Variants in PRKCE observed in about 807,000 individuals in gnomAD.
PRKCE encodes protein kinase C epsilon type.
A neutral mutation model predicts 85.4 loss-of-function variants in PRKCE; 16 were observed. The ratio of observed to expected loss-of-function variants is 0.19; its 90% CI spans 0.13 to 0.28. The LOEUF (loss-of-function observed/expected upper bound fraction) is 0.28. Among genes scored for constraint, PRKCE ranks in the 10% least tolerant of loss-of-function variants. The pLI is 1.00. For synonymous variants in PRKCE, 388 were observed against 371.5 expected, an observed-to-expected ratio of 1.04 and a Z score of -0.51; for missense variants, 573 against 975.2, an observed-to-expected ratio of 0.59 and a Z score of 5.49.
At chr2:45,944,031 G>A (rs1221982805) in intron 2 of PRKCE, among the ~76,000 whole-genome samples, 1 of 152,220 alleles carries the variant, frequency 6.6e-6, no homozygotes, top group East Asian at 1.9e-4. Context: ...GGCGATGGCT[G>A]AGTCAGATGT....
chr2:46,151,919 G>T (rs1239292097), intron 13 of PRKCE, among the ~76,000 whole-genome samples: 1 of 152,184 alleles, frequency 6.6e-6, no homozygotes, highest in African/African-American at 2.4e-5. Context: ...TTTGAAATCC[G>T]TGAAAGCTGA....
chr2:45,917,612 G>C (rs1003281358), intron 2 of PRKCE, among the ~76,000 whole-genome samples: 20 of 152,252 alleles, frequency 1.3e-4, no homozygotes, highest in Middle Eastern at 3.2e-3. Flanking sequence ...GCTTCACCCA[G>C]TGGATCCCGC....
chr2:46,129,363 G>A (rs1280500865), intron 11 of PRKCE, among the ~76,000 whole-genome samples: 1 of 152,058 alleles, frequency 6.6e-6, no homozygotes, highest in African/African-American at 2.4e-5. Context: ...AAGAAACAAG[G>A]GCATGGACCA....
chr2:45,738,661 T>G (rs1472736571), intron 1 of PRKCE, among the ~76,000 whole-genome samples: 2 of 152,240 alleles, frequency 1.3e-5, no homozygotes, highest in Non-Finnish European at 2.9e-5. Context: ...TTGGGAAGGA[T>G]CAGTGTGAGT....
In PRKCE at chr2:45,718,339, CTTTT is replaced by C. The variant is rs10708579; in HGVS notation, c.348+65912_348+65915del. 3.9e-3 allele frequency among the ~76,000 whole-genome samples: 326 copies of C among 83,348 alleles called. 1 individual carries two copies. Among genetic ancestry groups the C allele is most frequent in the African/African-American group, 8.3e-3 (157 of 18,910 alleles). The allele number at this position is 83,348 out of a possible 152,430, so 54.7% of individuals were successfully genotyped here. A position where few individuals can be genotyped will look rare whatever the true frequency, so the allele number is the denominator to read the frequency against. On this transcript the variant is annotated intron_variant, in intron 1 of 14. Transcript: ENST00000306156. ...AGAGCTAATAATTACCAAATGCTTA[CTTTT>C]TTTTTTTTTTTTTTTTTTTTGAGAC... is the stretch of plus-strand genomic sequence containing the variant.
chr2:46,032,474 A>C (rs1209978177), intron 10 of PRKCE, among the ~76,000 whole-genome samples: 1 of 152,222 alleles, frequency 6.6e-6, no homozygotes, highest in Non-Finnish European at 1.5e-5. Context: ...AATTATGGTC[A>C]GGCCACCTCT....
At chr2:45,797,386 G>C (rs1687524516) in intron 1 of PRKCE, among the ~76,000 whole-genome samples, 1 of 152,204 alleles carries the variant, frequency 6.6e-6, no homozygotes, top group Non-Finnish European at 1.5e-5. Flanking sequence ...ACACACCCTG[G>C]TTTGCCCAGA....
In PRKCE at chr2:46,041,710, A is replaced by G. The variant is rs376689244; in HGVS notation, c.1437+31193A>G. 6.6e-6 allele frequency among the ~76,000 whole-genome samples: 1 copy of G among 152,254 alleles called. No homozygotes were observed. Among genetic ancestry groups the G allele is most frequent in the African/African-American group, 2.4e-5 (1 of 41,470 alleles). ...AGTGTTTCCTTGTGAATACCTCTCC[A>G]TATGCGTCATGACAAAATACTGTAT... On this transcript the variant is annotated intron_variant, in intron 10 of 14. Coordinates refer to ENST00000306156, the MANE Select transcript of PRKCE (RefSeq NM_005400.3). The surrounding 1 kb of genome is among the most constrained non-coding windows in gnomAD (Gnocchi z 5.5).
chr2:45,710,913 G>A (rs549174342), intron 1 of PRKCE, among the ~76,000 whole-genome samples: 3 of 152,320 alleles, frequency 2.0e-5, no homozygotes, highest in Admixed American at 1.3e-4. Flanking sequence ...TGGGAGAGAG[G>A]GGGGACCTTG....
At chr2:46,079,003 C>T (rs999053836) in intron 10 of PRKCE, among the ~76,000 whole-genome samples, 1 of 151,932 alleles carries the variant, frequency 6.6e-6, no homozygotes, top group Non-Finnish European at 1.5e-5. Context: ...ATGGTGAAAC[C>T]GCATCTCTAC....
chr2:45,892,227 TTTTTGA>T (rs1414444557), intron 2 of PRKCE, among the ~76,000 whole-genome samples: 8 of 152,192 alleles, frequency 5.3e-5, no homozygotes, highest in Non-Finnish European at 1.2e-4. Context: ...GGTGACAGCT[TTTTTGA>T]GCTCCCATGG....
At chr2:45,765,623 T>C (rs1342789974) in intron 1 of PRKCE, among the ~76,000 whole-genome samples, 3 of 152,240 alleles carry the variant, frequency 2.0e-5, no homozygotes, top group Admixed American at 2.0e-4. Context: ...CTTTTTCCTT[T>C]TCATTTGGGG....
chr2:45,932,897 G>C (rs1699148866), intron 2 of PRKCE, among the ~76,000 whole-genome samples: 2 of 152,090 alleles, frequency 1.3e-5, no homozygotes, highest in South Asian at 4.1e-4. Context: ...TTTATGACTG[G>C]CTTATTTCAC....
chr2:45,922,612 T>C (rs1698333068), intron 2 of PRKCE, among the ~76,000 whole-genome samples: 1 of 152,202 alleles, frequency 6.6e-6, no homozygotes, highest in Non-Finnish European at 1.5e-5. Flanking sequence ...CCCAAGCCCA[T>C]GTGGGCCCAA....
At chr2:45,949,517 C>G (rs1200253043) in intron 2 of PRKCE, among the ~76,000 whole-genome samples, 1 of 134,952 alleles carries the variant, frequency 7.4e-6, no homozygotes, top group Admixed American at 8.0e-5. Flanking sequence ...TTCTCGGTAT[C>G]TTTTTCTTGT....
chr2:45,718,548 T>G (rs1680347053), intron 1 of PRKCE, among the ~76,000 whole-genome samples: 1 of 152,078 alleles, frequency 6.6e-6, no homozygotes, highest in South Asian at 2.1e-4. Context: ...CTCACCATGT[T>G]GGCCAGGATG....
rs34871432 is a variant in PRKCE at position 45,888,465 on chromosome 2, C to CTTTTT, written c.412+45422_412+45426dup. 2.6e-3 allele frequency among the ~76,000 whole-genome samples: 193 copies of CTTTTT among 74,748 alleles called. 3 individuals are homozygous for CTTTTT. Among genetic ancestry groups the CTTTTT allele is most frequent in the East Asian group, 6.7e-3 (13 of 1,928 alleles). 49.0% of individuals were successfully genotyped at this position (74,748 alleles called of 152,430 possible). Reference sequence around the variant, plus strand: ...TGCAGAAGTAGTATTTCCCAACAGTCTTTTTTTTTTTTTTTTTTTTTTTTG... The same window carrying CTTTTT: ...TGCAGAAGTAGTATTTCCCAACAGTCTTTTTTTTTTTTTTTTTTTTTTTTTTTTTG... On this transcript the variant is annotated intron_variant, in intron 2 of 14. Coordinates refer to ENST00000306156, the MANE Select transcript of PRKCE (RefSeq NM_005400.3).
At chr2:45,687,305 G>C (rs900805951) in intron 1 of PRKCE, among the ~76,000 whole-genome samples, 10 of 151,766 alleles carry the variant, frequency 6.6e-5, no homozygotes, top group Non-Finnish European at 1.5e-4. Flanking sequence ...TGGAATAAAG[G>C]TATAAACAGA....
intron 1 of PRKCE, among the ~76,000 whole-genome samples, chr2:45,763,100 G>A (rs968118035): frequency 1.3e-5 from 2 of 151,956 alleles, no homozygotes; most frequent in South Asian, 2.1e-4. Flanking sequence ...GACTACAGGC[G>A]CCTGCCACCA....
Sources: gnomAD v4.1 joint callset for allele counts (sites outside exome capture counted in the v4.1 genomes callset) on GRCh38, gnomAD v4.1.1 for gene constraint, Gnocchi (gnomAD v3.1) non-coding constraint, MANE v1.5 for transcripts, NCBI Gene and HGNC (gene_info 2026-07-23, HGNC 2026-07-21) for gene names.